Variants in EXOC1 observed in about 807,000 individuals in gnomAD.
The protein encoded by EXOC1 is exocyst complex component 1.
Under a neutral mutation model 107.7 loss-of-function variants are expected in EXOC1, and 67 were observed. The ratio of observed to expected loss-of-function variants is 0.62; its 90% confidence interval spans 0.51 to 0.76. The LOEUF (loss-of-function observed/expected upper bound fraction) is 0.76. Ranked by LOEUF, EXOC1 falls within the 30% of genes least tolerant of loss-of-function variation. The probability of loss-of-function intolerance (pLI) is 0.00; values close to 1 mark genes in which losing one functional copy is unlikely to be tolerated. For missense variants in EXOC1, 833 were observed against 1,055.7 expected (o/e 0.79, Z 2.92); for synonymous variants, 348 against 353.5 (o/e 0.98, Z 0.17).
Position 55,877,687 on chromosome 4 carries a change from C to A in EXOC1, c.1075-230C>A, listed in dbSNP as rs543660857. ...AATGGGTAGTTGATTTATCAGAGTG[C>A]CATTCTTGCGTATTTATGATTATCT... is the stretch of plus-strand genomic sequence containing the variant. On this transcript the variant is annotated intron_variant, in intron 8 of 18. Coordinates refer to ENST00000381295, the MANE Select transcript of EXOC1 (RefSeq NM_001024924.2). 6.7e-5 allele frequency: 66 copies of A among 985,244 alleles called. No individual in the cohort carries two copies. In the African/African-American group the frequency reaches 1.1e-3, roughly 17 times the overall value. The allele number at this position is 985,244 out of a possible 1,614,324, so 61.0% of individuals were successfully genotyped here.
intron 4 of EXOC1, among the ~76,000 whole-genome samples, chr4:55,866,653 A>T (rs1323122284): frequency 6.6e-6 from 1 of 152,178 alleles, no homozygotes; most frequent in Non-Finnish European, 1.5e-5. Context: ...ATATATTTGT[A>T]GTCACTATCA....
intron 4 of EXOC1, among the ~76,000 whole-genome samples, chr4:55,866,688 C>T (rs1035362270): frequency 2.6e-5 from 4 of 152,110 alleles, no homozygotes; most frequent in Non-Finnish European, 4.4e-5. Context: ...AAAATGAACA[C>T]GGCAAATTTA....
rs116254580 is a variant in EXOC1 at position 55,891,776 on chromosome 4, G to T, written c.1647+354G>T. On this transcript the variant is annotated intron_variant, in intron 13 of 18. Coordinates refer to ENST00000381295, the MANE Select transcript of EXOC1 (RefSeq NM_001024924.2). ...CAAGATAAATATAATGTTTTAAAAT[G>T]ATGTTAGAGTGTATACACTTTGGTA... 3.8e-3 allele frequency among the ~76,000 whole-genome samples: 583 copies of T among 152,230 alleles called. 3 individuals are homozygous for T. The highest frequency in any genetic ancestry group is 0.014 in the African/African-American group (563 of 41,538).
intron 9 of EXOC1, 182 bp from the exon 10 acceptor site, chr4:55,883,641 T>A (rs1318089727): frequency 2.3e-6 from 1 of 432,028 alleles, no homozygotes; most frequent in Admixed American, 4.4e-5. Context: ...AAATTGTTAA[T>A]GTTATGATGC....
chr4:55,857,177 T>C (rs1484773848), intron 1 of EXOC1, among the ~76,000 whole-genome samples: 12 of 113,638 alleles, frequency 1.1e-4, no homozygotes, highest in South Asian at 9.7e-4. Flanking sequence ...TCTTTTTTTT[T>C]TTTTTTTTTT....
At chr4:55,888,578 A>C (rs1212291641) in intron 10 of EXOC1, among the ~76,000 whole-genome samples, 1 of 151,950 alleles carries the variant, frequency 6.6e-6, no homozygotes, top group Non-Finnish European at 1.5e-5. Context: ...TTTTAAATTT[A>C]AGTGTACCAG....
At chr4:55,889,911 G>C (rs1310079747) in intron 11 of EXOC1, among the ~76,000 whole-genome samples, 1 of 152,132 alleles carries the variant, frequency 6.6e-6, no homozygotes, top group African/African-American at 2.4e-5. Flanking sequence ...ATCTACTTTA[G>C]TCTAGCGATA....
intron 10 of EXOC1, 64 bp from the exon 11 acceptor site, chr4:55,888,824 T>G (rs1054475135): frequency 6.5e-7 from 1 of 1,534,084 alleles, no homozygotes; most frequent in Non-Finnish European, 9.0e-7. Flanking sequence ...TGTGCATGGT[T>G]TGTGCAAATT....
chr4:55,873,862 CTT>C (rs1013120304), intron 8 of EXOC1, among the ~76,000 whole-genome samples: 2 of 152,136 alleles, frequency 1.3e-5, no homozygotes, highest in Non-Finnish European at 2.9e-5. Context: ...TGGTACACCT[CTT>C]TGGCAATCAC....
intron 1 of EXOC1, among the ~76,000 whole-genome samples, chr4:55,854,805 C>G (rs1373396586): frequency 1.3e-5 from 2 of 152,158 alleles, no homozygotes; most frequent in African/African-American, 4.8e-5. Context: ...CCAGTTTTTA[C>G]TATTCAGTTC....
At chr4:55,895,817 TAATA>T (rs1185670984) in intron 15 of EXOC1, among the ~76,000 whole-genome samples, 1 of 152,176 alleles carries the variant, frequency 6.6e-6, no homozygotes, top group Non-Finnish European at 1.5e-5. Context: ...GCTAAGTGAC[TAATA>T]AATATATGGA....
intron 4 of EXOC1, among the ~76,000 whole-genome samples, chr4:55,867,487 A>T (rs955129377): frequency 3.3e-5 from 5 of 151,910 alleles, no homozygotes; most frequent in Admixed American, 6.6e-5. Flanking sequence ...ACATCTTAGG[A>T]GTTAAAAATG....
At chr4:55,896,354 G>GA (rs1725203707) in intron 15 of EXOC1, among the ~76,000 whole-genome samples, 1 of 151,938 alleles carries the variant, frequency 6.6e-6, no homozygotes, top group Non-Finnish European at 1.5e-5. Flanking sequence ...AAAATGGCCA[G>GA]GCTGGTCTTG....
In EXOC1 at chr4:55,869,320, C is replaced by T. The variant is rs143182122; in HGVS notation, c.603+797C>T. On this transcript the variant is annotated intron_variant, in intron 5 of 18. Coordinates refer to ENST00000381295, the MANE Select transcript of EXOC1 (RefSeq NM_001024924.2). ...GACAGAGGTTGCCGTGAACTGAGAT[C>T]GTGCCACTGCACTCCAGCTTGGGTG... is the stretch of plus-strand genomic sequence containing the variant. Among the ~76,000 whole-genome samples, 43 of 152,194 alleles carry T rather than the reference C, an allele frequency of 2.8e-4. No individual in the cohort carries two copies. The East Asian group carries it at 7.9e-3, about 28-fold the overall frequency.
chr4:55,903,309 T>C (rs1380098881), intron 18 of EXOC1, among the ~76,000 whole-genome samples: 1 of 152,068 alleles, frequency 6.6e-6, no homozygotes, highest in African/African-American at 2.4e-5. Context: ...TAAACCATAT[T>C]GAAAGGCCCA....
chr4:55,856,207 G>A (rs568816363), intron 1 of EXOC1, among the ~76,000 whole-genome samples: 2 of 152,236 alleles, frequency 1.3e-5, no homozygotes, highest in Non-Finnish European at 2.9e-5. Flanking sequence ...GTGGCATTTG[G>A]TAGTCCAAGA....
In EXOC1 at chr4:55,868,436, A is replaced by C. The variant is rs1471907171; in HGVS notation, c.516A>C (p.Glu172Asp). 1 of 1,613,846 alleles carries C rather than the reference A, an allele frequency of 6.2e-7. No homozygotes were observed. Among genetic ancestry groups the C allele is most frequent in the Admixed American group, 1.7e-5 (1 of 59,992 alleles). ...ELNAREEQDI[E>D]IMMEGCEYAI... ...ATGCAAGAGAAGAACAGGATATCGAAATAATGATGGAAGGCTGTGAATATG... is the reference window on the plus strand; with the variant it reads ...ATGCAAGAGAAGAACAGGATATCGACATAATGATGGAAGGCTGTGAATATG... The change falls in exon 5 of 19, where the codon GAA becomes GAC. Residue 172 changes from glutamate (E) to aspartate (D), a missense_variant. Transcript: ENST00000381295.
intron 17 of EXOC1, 59 bp downstream of exon 17, chr4:55,899,943 A>G: frequency 2.1e-6 from 3 of 1,423,280 alleles, no homozygotes; most frequent in Non-Finnish European, 9.6e-7. Context: ...ATAAGTTTGC[A>G]TATGAATAAC....
intron 10 of EXOC1, among the ~76,000 whole-genome samples, chr4:55,887,504 T>C (rs1330577912): frequency 2.0e-5 from 3 of 152,252 alleles, no homozygotes; most frequent in Admixed American, 6.5e-5. Context: ...CTGAGTGTTA[T>C]CACTTGCTGA....
Sources: allele counts gnomAD v4.1 joint callset (sites outside exome capture counted in the v4.1 genomes callset), GRCh38; gene constraint gnomAD v4.1.1; transcripts MANE v1.5; gene names NCBI Gene and HGNC (gene_info 2026-07-23, HGNC 2026-07-21).